RIMBP2: variants seen among roughly 807,000 people sequenced by gnomAD.
The protein encoded by RIMBP2 is RIMS binding protein 2.
A neutral mutation model predicts 118.6 loss-of-function variants in RIMBP2; 48 were observed. The ratio of observed to expected loss-of-function variants is 0.40; its 90% CI spans 0.32 to 0.51. RIMBP2 has a LOEUF of 0.51. Among genes scored for constraint, RIMBP2 ranks in the 20% least tolerant of loss-of-function variants. The pLI is 0.41. For missense variants in RIMBP2, 1,551 were observed against 1,768.3 expected, an observed-to-expected ratio of 0.88 and a Z score of 2.20; for synonymous variants, 762 against 742.9, an observed-to-expected ratio of 1.03 and a Z score of -0.42.
At chr12:130,559,376 C>T (rs749988803) in intron 2 of RIMBP2, among the ~76,000 whole-genome samples, 1 of 151,978 alleles carries the variant, frequency 6.6e-6, no homozygotes. Context: ...CCCGTGAGTT[C>T]GACTTTTTTG....
intron 2 of RIMBP2, among the ~76,000 whole-genome samples, chr12:130,546,826 T>G (rs998509888): frequency 5.3e-5 from 8 of 152,194 alleles, no homozygotes; most frequent in African/African-American, 1.9e-4. Flanking sequence ...TCAAAACAAT[T>G]TACATGGAAA....
chr12:130,562,239 C>G (rs919860640), intron 2 of RIMBP2, among the ~76,000 whole-genome samples: 4 of 152,168 alleles, frequency 2.6e-5, no homozygotes, highest in Non-Finnish European at 2.9e-5. Flanking sequence ...ACTTAGAATA[C>G]TTTATTCACA....
chr12:130,572,863 T>C (rs2057788714), intron 2 of RIMBP2, among the ~76,000 whole-genome samples: 1 of 151,580 alleles, frequency 6.6e-6, no homozygotes, highest in Non-Finnish European at 1.5e-5. Context: ...AGGGGACAGG[T>C]GGAGCGAGGC....
At chr12:130,618,919 C>A (rs1346097640) in intron 2 of RIMBP2, among the ~76,000 whole-genome samples, 1 of 152,022 alleles carries the variant, frequency 6.6e-6, no homozygotes, top group African/African-American at 2.4e-5. Context: ...GAAGAGAGGA[C>A]GAATGTTCGG....
intron 4 of RIMBP2, among the ~76,000 whole-genome samples, chr12:130,490,480 C>CA (rs2048536124): frequency 6.6e-6 from 1 of 152,164 alleles, no homozygotes; most frequent in South Asian, 2.1e-4. Context: ...TCCCAGCTGT[C>CA]AGACAATCCC....
intron 1 of RIMBP2, among the ~76,000 whole-genome samples, chr12:130,697,961 A>G (rs77576951): frequency 0.019 from 2,853 of 152,312 alleles, 89 homozygotes; most frequent in African/African-American, 0.065. Context: ...ACCATGTTTA[A>G]TATTTAGGGG....
In RIMBP2 at chr12:130,610,622, G is replaced by A. The variant is rs373925205; in HGVS notation, c.-217+17700C>T. On this transcript the variant is annotated intron_variant, in intron 2 of 22. Transcript: ENST00000690449. ...GTCGCCCAGGCTGGAGTGCAGTGGC[G>A]CGATCTCGGCTCACTGCAAGCTCCG... Among the ~76,000 whole-genome samples, 668 of 141,820 alleles carry A rather than the reference G, an allele frequency of 4.7e-3. 3 individuals carry two copies. Among genetic ancestry groups the A allele is most frequent in the African/African-American group, 0.013 (481 of 37,344 alleles). The allele number at this position is 141,820 out of a possible 152,430, so 93.0% of individuals were successfully genotyped here.
intron 16 of RIMBP2, among the ~76,000 whole-genome samples, chr12:130,423,232 T>C (rs1566006981): frequency 1.3e-5 from 2 of 152,186 alleles, no homozygotes; most frequent in African/African-American, 4.8e-5. Context: ...GAGGAAGTTC[T>C]CAGGAACACA....
chr12:130,694,490 G>A (rs976483156), intron 1 of RIMBP2, among the ~76,000 whole-genome samples: 1 of 152,088 alleles, frequency 6.6e-6, no homozygotes, highest in East Asian at 1.9e-4. Flanking sequence ...CTGTCTCATC[G>A]CCAACCTCAC....
At chr12:130,414,632 C>T in intron 17 of RIMBP2, 1 of 225,324 alleles carries the variant, frequency 4.4e-6, no homozygotes, top group Non-Finnish European at 8.8e-6. Context: ...TGCTGGGGAG[C>T]CTTCCCAGGA....
intron 2 of RIMBP2, among the ~76,000 whole-genome samples, chr12:130,618,086 T>A (rs1486830435): frequency 6.8e-6 from 1 of 147,146 alleles, no homozygotes; most frequent in African/African-American, 2.5e-5. Context: ...GAGTCACGGA[T>A]CCCCAAAGCA....
chr12:130,487,917 T>C (rs2082620363), intron 4 of RIMBP2, among the ~76,000 whole-genome samples: 1 of 152,170 alleles, frequency 6.6e-6, no homozygotes, highest in South Asian at 2.1e-4. Flanking sequence ...GCCTCCCACA[T>C]GACTCTGCAG....
At chr12:130,567,549 G>A (rs949050288) in intron 2 of RIMBP2, among the ~76,000 whole-genome samples, 3 of 152,180 alleles carry the variant, frequency 2.0e-5, no homozygotes, top group Non-Finnish European at 4.4e-5. Context: ...GAGGGAGGAG[G>A]GAGGGTCCCT....
At chr12:130,425,011 T>C in intron 15 of RIMBP2, 153 bp from the exon 16 acceptor site, 1 of 417,242 alleles carries the variant, frequency 2.4e-6, no homozygotes, top group Non-Finnish European at 4.0e-6. Flanking sequence ...GGGCATGCCG[T>C]GGAGGGCTCT....
chr12:130,676,825 T>C (rs1418052975), intron 1 of RIMBP2, among the ~76,000 whole-genome samples: 3 of 151,940 alleles, frequency 2.0e-5, no homozygotes, highest in African/African-American at 7.3e-5. Flanking sequence ...GAGGCAGAAC[T>C]CCAGCAGGGA....
Position 130,617,649 on chromosome 12 carries a change from C to G in RIMBP2, c.-217+10673G>C, listed in dbSNP as rs1021739008. Among the ~76,000 whole-genome samples, 7 of 152,180 alleles carry G rather than the reference C, an allele frequency of 4.6e-5. No homozygotes were observed. The highest frequency in any genetic ancestry group is 8.8e-5 in the Non-Finnish European group (6 of 68,042). On this transcript the variant is annotated intron_variant, in intron 2 of 22. Transcript: ENST00000690449. This position sits in a 1 kb window ranked among gnomAD's most constrained non-coding sequence, Gnocchi z 4.6. ...TTTCAGCTGAAGCTTCAGAAAGTAA[C>G]AGAGAGGGCCTTGGGCTGAGTGTCT...
At chr12:130,460,921 C>A (rs934184296) in intron 6 of RIMBP2, among the ~76,000 whole-genome samples, 1 of 152,158 alleles carries the variant, frequency 6.6e-6, no homozygotes, top group South Asian at 2.1e-4. Flanking sequence ...AGATTCCATG[C>A]CCTCCTGTGA....
intron 2 of RIMBP2, among the ~76,000 whole-genome samples, chr12:130,614,647 T>C (rs1488285896): frequency 6.6e-6 from 1 of 151,972 alleles, no homozygotes; most frequent in African/African-American, 2.4e-5. Flanking sequence ...AGCATAGCAG[T>C]GACGGGGCAA....
rs999727292 is a variant in RIMBP2 at position 130,576,620 on chromosome 12, G to A, written c.-217+51702C>T. On this transcript the variant is annotated intron_variant, in intron 2 of 22. Transcript: ENST00000690449. The surrounding 1 kb of genome is among the most constrained non-coding windows in gnomAD (Gnocchi z 4.2). ...TGGCTGGTAAACCCGAGCCTCCCTG[G>A]GTCTGGAAAATGGAGAGATGAGGAT... Among the ~76,000 whole-genome samples, 1 of 152,174 alleles carries A rather than the reference G, an allele frequency of 6.6e-6. No homozygotes were observed. The highest frequency in any genetic ancestry group is 2.4e-5 in the African/African-American group (1 of 41,456).
Sources: gnomAD v4.1 joint callset for allele counts (sites outside exome capture counted in the v4.1 genomes callset) on GRCh38, gnomAD v4.1.1 for gene constraint, Gnocchi (gnomAD v3.1) non-coding constraint, MANE v1.5 for transcripts, NCBI Gene and HGNC (gene_info 2026-07-23, HGNC 2026-07-21) for gene names.